MLLT3: variants seen among roughly 807,000 people sequenced by gnomAD.
The protein encoded by MLLT3 is protein AF-9.
In MLLT3, 4 loss-of-function variants were observed where a neutral mutation model predicts 53.2. The ratio of observed to expected loss-of-function variants is 0.08; its 90% CI spans 0.04 to 0.17. MLLT3 has a LOEUF of 0.17. MLLT3 is among the 10% of genes least tolerant of loss of function. The probability of loss-of-function intolerance (pLI) is 1.00; values close to 1 mark genes in which losing one functional copy is unlikely to be tolerated. For synonymous variants in MLLT3, 283 were observed against 230.6 expected (o/e 1.23, Z -2.06); for missense variants, 569 against 684.0 (o/e 0.83, Z 1.87).
intron 5 of MLLT3, among the ~76,000 whole-genome samples, chr9:20,407,112 T>G (rs975745717): frequency 6.6e-6 from 1 of 152,216 alleles, no homozygotes; most frequent in African/African-American, 2.4e-5. Flanking sequence ...GCCTACATTT[T>G]GAATAACTTA....
In MLLT3 at chr9:20,418,800, G is replaced by A. The variant is rs149318070; in HGVS notation, c.421-4375C>T. Reference sequence around the variant, plus strand: ...TACCCAGCTTCCAGGAGAGTTTCACGCACACAGGTATGGCCAGCCTTCCCA... The same window carrying A: ...TACCCAGCTTCCAGGAGAGTTTCACACACACAGGTATGGCCAGCCTTCCCA... On this transcript the variant is annotated intron_variant, in intron 4 of 10. Coordinates refer to ENST00000380338, the MANE Select transcript of MLLT3 (RefSeq NM_004529.4). Among the ~76,000 whole-genome samples, 363 of 152,176 alleles carry A rather than the reference G, an allele frequency of 2.4e-3. 1 individual carries two copies. The highest frequency in any genetic ancestry group is 8.4e-3 in the African/African-American group (350 of 41,506).
intron 2 of MLLT3, among the ~76,000 whole-genome samples, chr9:20,572,414 A>G (rs965733946): frequency 1.3e-5 from 2 of 152,206 alleles, no homozygotes; most frequent in African/African-American, 4.8e-5. Flanking sequence ...AATTAGCTTG[A>G]TTTAGTCATT....
chr9:20,574,827 G>A (rs772896660), intron 2 of MLLT3, among the ~76,000 whole-genome samples: 4 of 152,150 alleles, frequency 2.6e-5, no homozygotes, highest in Admixed American at 6.6e-5. Flanking sequence ...ATGTGATGCC[G>A]TTTGATAGCA....
intron 2 of MLLT3, among the ~76,000 whole-genome samples, chr9:20,609,869 GTATTT>G (rs2131206869): frequency 6.6e-6 from 1 of 152,054 alleles, no homozygotes; most frequent in Non-Finnish European, 1.5e-5. Context: ...TCATATATTG[GTATTT>G]TATTTTCTCA....
intron 5 of MLLT3, among the ~76,000 whole-genome samples, chr9:20,408,144 T>C (rs747227570): frequency 2.0e-5 from 3 of 152,178 alleles, no homozygotes; most frequent in African/African-American, 7.2e-5. Context: ...TTTGCAAAGA[T>C]AGAGCCCCTG....
At chr9:20,578,546 A>G (rs1819712343) in intron 2 of MLLT3, among the ~76,000 whole-genome samples, 1 of 152,112 alleles carries the variant, frequency 6.6e-6, no homozygotes. Flanking sequence ...AGAAGATGGG[A>G]AACATATCAA....
At position 20,391,338 on chromosome 9, in the gene MLLT3, G is replaced by A. The variant is rs1019019806; in HGVS notation, c.1125+22383C>T. ...AAAAGAAGAGAAGGAAATGGAACAG[G>A]TGCCTGAAGATTGTGATCAACAAGG... On this transcript the variant is annotated intron_variant, in intron 5 of 10. Coordinates refer to ENST00000380338, the MANE Select transcript of MLLT3 (RefSeq NM_004529.4). Among the ~76,000 whole-genome samples the A allele has an allele frequency of 2.6e-5, 4 of 152,314 alleles. No homozygotes were observed. In the East Asian group the frequency reaches 7.7e-4, roughly 29 times the overall value.
chr9:20,462,796 A>C lies in MLLT3; in HGVS notation c.194-6010T>G, dbSNP rs181318659. ...CGTTCCTTATCCCAGACCATCATTTATGAAATTGAGTAAATTTGTGAAACA... is the reference window on the plus strand; with the variant it reads ...CGTTCCTTATCCCAGACCATCATTTCTGAAATTGAGTAAATTTGTGAAACA... On this transcript the variant is annotated intron_variant, in intron 2 of 10. Transcript: ENST00000380338. 1.3e-3 allele frequency among the ~76,000 whole-genome samples: 199 copies of C among 152,234 alleles called. 2 individuals are homozygous for C. Among genetic ancestry groups the C allele is most frequent in the African/African-American group, 4.5e-3 (187 of 41,536 alleles).
chr9:20,480,234 G>C (rs1824627514), intron 2 of MLLT3, among the ~76,000 whole-genome samples: 1 of 152,182 alleles, frequency 6.6e-6, no homozygotes, highest in African/African-American at 2.4e-5. Context: ...GTCTTCTTGA[G>C]AGCCAAACTG....
chr9:20,608,903 C>T (rs1023411982), intron 2 of MLLT3, among the ~76,000 whole-genome samples: 5 of 151,958 alleles, frequency 3.3e-5, no homozygotes, highest in East Asian at 1.9e-4. Context: ...TAACATTCTA[C>T]GATAGTATTT....
chr9:20,460,981 C>A (rs921947070), intron 2 of MLLT3, among the ~76,000 whole-genome samples: 1 of 152,128 alleles, frequency 6.6e-6, no homozygotes. Context: ...ATCTCTAAGG[C>A]CATTTTGAAA....
At chr9:20,474,520 A>G (rs1563776108) in intron 2 of MLLT3, among the ~76,000 whole-genome samples, 1 of 152,018 alleles carries the variant, frequency 6.6e-6, no homozygotes, top group African/African-American at 2.4e-5. Flanking sequence ...TCCATATACT[A>G]CAAGGCTCGG....
intron 7 of MLLT3, among the ~76,000 whole-genome samples, chr9:20,362,338 T>A (rs1281989449): frequency 6.6e-6 from 1 of 152,216 alleles, no homozygotes; most frequent in Non-Finnish European, 1.5e-5. Context: ...AAATAGGTCA[T>A]ACGTTTTTCA....
At chr9:20,528,211 T>C (rs1818248961) in intron 2 of MLLT3, among the ~76,000 whole-genome samples, 1 of 152,258 alleles carries the variant, frequency 6.6e-6, no homozygotes, top group Non-Finnish European at 1.5e-5. Context: ...AGATTATGGC[T>C]ATACCACTGG....
intron 5 of MLLT3, among the ~76,000 whole-genome samples, chr9:20,404,922 G>A (rs1199950846): frequency 6.6e-6 from 1 of 152,066 alleles, no homozygotes; most frequent in Non-Finnish European, 1.5e-5. Flanking sequence ...AGGAAGGAAG[G>A]AAGCCCTACC....
intron 4 of MLLT3, among the ~76,000 whole-genome samples, chr9:20,420,177 A>G (rs1347149914): frequency 6.6e-6 from 1 of 152,204 alleles, no homozygotes; most frequent in East Asian, 1.9e-4. Context: ...CAACTTGAAA[A>G]TATAGGCAAA....
chr9:20,532,297 T>C (rs979363076), intron 2 of MLLT3, among the ~76,000 whole-genome samples: 1 of 141,286 alleles, frequency 7.1e-6, no homozygotes, highest in African/African-American at 2.7e-5. Flanking sequence ...TATGGAAAAA[T>C]GTAAAAAAAT....
chr9:20,475,821 T>C (rs1824505429), intron 2 of MLLT3, among the ~76,000 whole-genome samples: 1 of 152,098 alleles, frequency 6.6e-6, no homozygotes, highest in Non-Finnish European at 1.5e-5. Context: ...TCCTCCAAAA[T>C]ACACACAATA....
intron 2 of MLLT3, among the ~76,000 whole-genome samples, chr9:20,577,570 A>G (rs1018181483): frequency 6.6e-6 from 1 of 152,182 alleles, no homozygotes; most frequent in Non-Finnish European, 1.5e-5. Context: ...TCTCACTTTC[A>G]TACCAATATA....
Sources: gnomAD v4.1 joint callset for allele counts (sites outside exome capture counted in the v4.1 genomes callset) on GRCh38, gnomAD v4.1.1 for gene constraint, MANE v1.5 for transcripts, NCBI Gene and HGNC (gene_info 2026-07-23, HGNC 2026-07-21) for gene names.